The following REM1 variants were observed in gnomAD, a reference collection of about 807,000 sequenced individuals.
REM1 encodes the protein GTP-binding protein REM 1.
In REM1, 20 loss-of-function variants were observed where a neutral mutation model predicts 27.0. That is an observed-to-expected ratio of 0.74 (90% CI 0.52 to 1.08). The LOEUF is 1.08. REM1 is among the 50% of genes least tolerant of loss of function. REM1 has a pLI of 0.00. For missense variants in REM1, 405 were observed against 407.0 expected (o/e 1.00, Z 0.04); for synonymous variants, 159 against 167.9 (o/e 0.95, Z 0.41).
chr20:31,484,745 C>A lies in REM1; in HGVS notation c.*315C>A. The A allele has an allele frequency of 2.8e-6, 1 of 351,278 alleles. No homozygotes were observed. Among genetic ancestry groups the A allele is most frequent in the South Asian group, 7.0e-5 (1 of 14,356 alleles). The allele number at this position is 351,278 out of a possible 1,614,324, so 21.8% of individuals were successfully genotyped here. On this transcript the variant is annotated 3_prime_UTR_variant, in exon 5 of 5. Coordinates refer to ENST00000201979, the MANE Select transcript of REM1 (RefSeq NM_014012.6). ...CAGAAACCCTCACAATAAACCAGAC[C>A]AGAAGGATGTCCCATCTGAATGCCC...
Position 31,484,508 on chromosome 20 carries a change from C to G in REM1, c.*78C>G. The G allele has an allele frequency of 7.1e-7, 1 of 1,412,980 alleles. No individual in the cohort carries two copies. 87.5% of individuals were successfully genotyped at this position (1,412,980 alleles called of 1,614,324 possible). A position where few individuals can be genotyped will look rare whatever the true frequency, so the allele number is the denominator to read the frequency against. On this transcript the variant is annotated 3_prime_UTR_variant, in exon 5 of 5. Coordinates refer to ENST00000201979, the MANE Select transcript of REM1 (RefSeq NM_014012.6). The stretch of plus-strand genomic sequence containing the variant: ...CAGGGACGCCACTGCGGGGCAAAGG[C>G]GCCGTTACCTGGAGTCTGCATCATG...
chr20:31,484,034 A>G, intron 4 of REM1, 125 bp from the exon 5 acceptor site: 1 of 1,090,330 alleles, frequency 9.2e-7, no homozygotes, highest in Non-Finnish European at 1.3e-6. Context: ...GAGTCCCCAG[A>G]CAGCAGCACC....
In REM1 at chr20:31,484,528, A is replaced by C; in HGVS notation, c.*98A>C. On this transcript the variant is annotated 3_prime_UTR_variant, in exon 5 of 5. Transcript: ENST00000201979. Reference sequence around the variant, plus strand: ...AAAGGCGCCGTTACCTGGAGTCTGCATCATGGGTCTTGCTTGCCTGCTGCC... The same window carrying C: ...AAAGGCGCCGTTACCTGGAGTCTGCCTCATGGGTCTTGCTTGCCTGCTGCC... The C allele has an allele frequency of 7.3e-7, 1 of 1,366,156 alleles. No homozygotes were observed. Among genetic ancestry groups the C allele is most frequent in the South Asian group, 1.6e-5 (1 of 63,002 alleles). The allele number at this position is 1,366,156 out of a possible 1,614,324, so 84.6% of individuals were successfully genotyped here.
At position 31,484,233 on chromosome 20, in the gene REM1, G is replaced by C. The variant is rs61759895; in HGVS notation, c.700G>C (p.Glu234Gln). ...TSATLQHNVA[E>Q]LFEGVVRQLR... ...CGCCACGCTGCAGCACAATGTGGCC[G>C]AGCTCTTCGAGGGCGTGGTGCGCCA... The change falls in exon 5 of 5, where the codon GAG (glutamate) becomes CAG (glutamine). Residue 234 changes from glutamate to glutamine, a missense_variant. Transcript: ENST00000201979. The C allele has an allele frequency of 2.5e-6, 4 of 1,607,686 alleles. No homozygotes were observed. The highest frequency in any genetic ancestry group is 2.5e-6 in the Non-Finnish European group (3 of 1,178,094).
At position 31,484,809 on chromosome 20, in the gene REM1, ACT is replaced by A; in HGVS notation, c.*380_*381del. 199 of 197,368 alleles carry A rather than the reference ACT, an allele frequency of 1.0e-3. No homozygotes were observed. Among genetic ancestry groups the A allele is most frequent in the South Asian group, 6.7e-3 (38 of 5,634 alleles). 12.2% of individuals were successfully genotyped at this position (197,368 alleles called of 1,614,324 possible). A position where few individuals can be genotyped will look rare whatever the true frequency, so the allele number is the denominator to read the frequency against. Reference sequence around the variant, plus strand: ...TCGGCTCTTCCAGGCGTCTCCACCTACTGCCCTCCCATCTACACTTGACTGTA... The same window carrying A: ...TCGGCTCTTCCAGGCGTCTCCACCTAGCCCTCCCATCTACACTTGACTGTA... On this transcript the variant is annotated 3_prime_UTR_variant, in exon 5 of 5. Coordinates refer to ENST00000201979, the MANE Select transcript of REM1 (RefSeq NM_014012.6).
intron 3 of REM1, among the ~76,000 whole-genome samples, chr20:31,478,837 T>C (rs1980619380): frequency 1.3e-5 from 2 of 150,324 alleles, no homozygotes; most frequent in African/African-American, 2.4e-5. Context: ...TCTTATTCTT[T>C]TTTTTTTTTT....
At position 31,475,454 on chromosome 20, in the gene REM1, G is replaced by A. The variant is rs1980460393; in HGVS notation, c.-220+88G>A. ...GAAGGGGGATTCGGCAGCGTTGGCA[G>A]GAATAGGGGGGCTTCGAAACCGCGT... On this transcript the variant is annotated intron_variant, in intron 1 of 4. Coordinates refer to ENST00000201979, the MANE Select transcript of REM1 (RefSeq NM_014012.6). This position sits in a 1 kb window ranked among gnomAD's most constrained non-coding sequence, Gnocchi z 5.0. 6.6e-6 allele frequency: 1 copy of A among 152,382 alleles called. No homozygotes were observed. The highest frequency in any genetic ancestry group is 6.5e-5 in the Admixed American group (1 of 15,292). 9.4% of individuals were successfully genotyped at this position (152,382 alleles called of 1,614,324 possible).
rs1244403601 is a variant in REM1 at position 31,484,341 on chromosome 20, C to A, written c.808C>A (p.Arg270Ser). 5 of 1,563,848 alleles carry A rather than the reference C, an allele frequency of 3.2e-6. No individual in the cohort carries two copies. The highest frequency in any genetic ancestry group is 4.3e-6 in the Non-Finnish European group (5 of 1,155,282). Residue 270 changes from arginine to serine, a missense_variant, in exon 5 of 5, where the codon CGC becomes AGC. Coordinates refer to ENST00000201979, the MANE Select transcript of REM1 (RefSeq NM_014012.6). Reference sequence around the variant, plus strand: ...GGCCAGCCTAGCCCAGCGCGCTCGTCGCTTCCTGGCACGCCTGACAGCCCG... The same window carrying A: ...GGCCAGCCTAGCCCAGCGCGCTCGTAGCTTCCTGGCACGCCTGACAGCCCG... ...RPASLAQRAR[R>S]FLARLTARSA...
chr20:31,484,099 A>G (rs1033448186), intron 4 of REM1, 60 bp from the exon 5 acceptor site: 6 of 1,489,282 alleles, frequency 4.0e-6, no homozygotes, highest in Non-Finnish European at 4.5e-6. Context: ...ATCTCTTCCT[A>G]CCTTTTTCTC....
At chr20:31,478,025 A>C in intron 3 of REM1, 115 bp downstream of exon 3, 1 of 657,258 alleles carries the variant, frequency 1.5e-6, no homozygotes, top group Non-Finnish European at 2.8e-6. Context: ...CATCCTCAGC[A>C]CCCTCCCCCA....
rs748843242 is a variant in REM1, at chr20:31,484,351, C to G, written c.818C>G (p.Ala273Gly). The G allele has an allele frequency of 9.0e-6, 14 of 1,561,688 alleles. No homozygotes were observed. The South Asian group carries it at 1.6e-4, about 18-fold the overall frequency. Reference protein sequence around the residue: ...SLAQRARRFLARLTARSARRR... With the variant: ...SLAQRARRFLGRLTARSARRR... ...GCCCAGCGCGCTCGTCGCTTCCTGG[C>G]ACGCCTGACAGCCCGCAGCGCACGC... is the stretch of plus-strand genomic sequence containing the variant. The change falls in exon 5 of 5, where the codon GCA becomes GGA. Residue 273 changes from alanine to glycine, a missense_variant. By Grantham distance (60) the Ala-to-Gly change is moderately conservative. Transcript: ENST00000201979.
At chr20:31,481,288 G>T (rs1368324428) in intron 3 of REM1, among the ~76,000 whole-genome samples, 1 of 151,816 alleles carries the variant, frequency 6.6e-6, no homozygotes, top group Admixed American at 6.6e-5. Context: ...AAAGAAAAAT[G>T]AAAGAAAATT....
rs760465718 is a variant in REM1, at chr20:31,477,870, C to G, written c.383C>G (p.Thr128Ser). Reference protein sequence around the residue: ...ERTLTVDGEDTTLVVVDTWEA... With the variant: ...ERTLTVDGEDSTLVVVDTWEA... Reference sequence around the variant, plus strand: ...ACCCTCACGGTGGATGGAGAAGACACCACACTGGTGGTCGTGGACACCTGG... The same window carrying G: ...ACCCTCACGGTGGATGGAGAAGACAGCACACTGGTGGTCGTGGACACCTGG... Residue 128 changes from threonine to serine, a missense_variant, in exon 3 of 5, where the codon ACC becomes AGC. By Grantham distance (58) the Thr-to-Ser change is moderately conservative. Transcript: ENST00000201979. 4.3e-6 allele frequency: 7 copies of G among 1,613,110 alleles called. No individual in the cohort carries two copies. Among genetic ancestry groups the G allele is most frequent in the Non-Finnish European group, 5.9e-6 (7 of 1,179,708 alleles).
chr20:31,482,376 T>A lies in REM1; in HGVS notation c.513T>A (p.Ser171Arg). ...TCGCAGACCGAGGCAGCTTTGAGAG[T>A]GCCTCTGAGCTCCGCATCCAGCTGC... ...YSIADRGSFESASELRIQLRR... is the reference protein window; with the variant it reads ...YSIADRGSFERASELRIQLRR... Residue 171 changes from serine to arginine, a missense_variant, in exon 4 of 5, where the codon AGT becomes AGA. By Grantham distance (110) the Ser-to-Arg change is moderately radical. Coordinates refer to ENST00000201979, the MANE Select transcript of REM1 (RefSeq NM_014012.6). 1 of 1,614,102 alleles carries A rather than the reference T, an allele frequency of 6.2e-7. No individual in the cohort carries two copies. Among genetic ancestry groups the A allele is most frequent in the East Asian group, 2.2e-5 (1 of 44,880 alleles).
intron 2 of REM1, among the ~76,000 whole-genome samples, chr20:31,477,323 G>T (rs1046465166): frequency 6.6e-6 from 1 of 152,148 alleles, no homozygotes; most frequent in African/African-American, 2.4e-5. Flanking sequence ...GGGGTACAGG[G>T]AAGATAGAAG....
intron 3 of REM1, among the ~76,000 whole-genome samples, chr20:31,482,065 T>C (rs1980751130): frequency 6.6e-6 from 1 of 152,128 alleles, no homozygotes; most frequent in Admixed American, 6.5e-5. Context: ...TTCTGTGAGG[T>C]AGTGTTATTA....
chr20:31,477,952 C>T, intron 3 of REM1, 42 bp downstream of exon 3: 1 of 1,267,266 alleles, frequency 7.9e-7, no homozygotes, highest in South Asian at 1.2e-5. Flanking sequence ...GGGTGCTGAG[C>T]CTAATACTAG....
chr20:31,484,148 C>A lies in REM1; in HGVS notation c.626-11C>A. 6.4e-7 allele frequency: 1 copy of A among 1,563,842 alleles called. No homozygotes were observed. The highest frequency in any genetic ancestry group is 8.7e-7 in the Non-Finnish European group (1 of 1,152,124). On this transcript the variant is annotated splice_polypyrimidine_tract_variant and intron_variant, in intron 4 of 4. Transcript: ENST00000201979. Reference sequence around the variant, plus strand: ...GGCTCCACCCCTCCTCGCCGGGCCCCGCCCCCTTAGAGGGCCGCGCCTGCG... The same window carrying A: ...GGCTCCACCCCTCCTCGCCGGGCCCAGCCCCCTTAGAGGGCCGCGCCTGCG...
chr20:31,480,586 G>A (rs1322064528), intron 3 of REM1, among the ~76,000 whole-genome samples: 1 of 152,086 alleles, frequency 6.6e-6, no homozygotes, highest in Non-Finnish European at 1.5e-5. Flanking sequence ...GCCTCCCAAA[G>A]TGCTGGGATT....
Sources: gnomAD v4.1 joint callset for allele counts (sites outside exome capture counted in the v4.1 genomes callset) on GRCh38, gnomAD v4.1.1 for gene constraint, Gnocchi (gnomAD v3.1) non-coding constraint, MANE v1.5 for transcripts, NCBI Gene and HGNC (gene_info 2026-07-23, HGNC 2026-07-21) for gene names.